NAV3: variants seen among roughly 807,000 people sequenced by gnomAD.
The protein encoded by NAV3 is neuron navigator 3.
Under a neutral mutation model 244.7 loss-of-function variants are expected in NAV3, and 87 were observed. The observed-to-expected ratio is 0.36, with a 90% CI of 0.30 to 0.42. NAV3 has a LOEUF of 0.42. Among genes scored for constraint, NAV3 ranks in the 20% least tolerant of loss-of-function variants. The probability of loss-of-function intolerance (pLI) is 1.00; values close to 1 mark genes in which losing one functional copy is unlikely to be tolerated. For synonymous variants in NAV3, 1,126 were observed against 1,042.2 expected, an observed-to-expected ratio of 1.08 and a Z score of -1.55; for missense variants, 2,663 against 2,893.3, an observed-to-expected ratio of 0.92 and a Z score of 1.83.
At chr12:78,083,483 C>G (rs918338510) in intron 12 of NAV3, among the ~76,000 whole-genome samples, 5 of 152,162 alleles carry the variant, frequency 3.3e-5, no homozygotes, top group Non-Finnish European at 7.4e-5. Context: ...CTGAGTTATT[C>G]AAGATTTTAA....
In NAV3 at chr12:77,937,880, C is replaced by T. The variant is rs532447155; in HGVS notation, c.244-2439C>T. ...AGCAAGCATGTTTTTTCATGACTAG[C>T]TTTGTGACAGATGCTTTACAAGTGC... is the stretch of plus-strand genomic sequence containing the variant. On this transcript the variant is annotated intron_variant, in intron 1 of 39. Coordinates refer to ENST00000397909, the MANE Select transcript of NAV3 (RefSeq NM_001024383.2). 2.0e-5 allele frequency among the ~76,000 whole-genome samples: 3 copies of T among 152,308 alleles called. No individual in the cohort carries two copies. In the East Asian group the frequency reaches 5.8e-4, roughly 29 times the overall value.
chr12:78,069,467 A>G (rs190604196), intron 12 of NAV3, among the ~76,000 whole-genome samples: 7 of 152,056 alleles, frequency 4.6e-5, no homozygotes, highest in East Asian at 1.9e-4. Flanking sequence ...TTCTATTTAC[A>G]TAGTTTGGTT....
rs556263157 is a variant in NAV3 at position 77,703,079 on chromosome 12, A to G, written c.72+130813A>G. ...TACATTCATAAAAGTCACTTATTTTATCATGTCGTTTGATAAGTTTTATAA... is the reference window on the plus strand; with the variant it reads ...TACATTCATAAAAGTCACTTATTTTGTCATGTCGTTTGATAAGTTTTATAA... On this transcript the variant is annotated intron_variant, in intron 2 of 8. Transcript: ENST00000550042. Among the ~76,000 whole-genome samples, 6 of 152,130 alleles carry G rather than the reference A, an allele frequency of 3.9e-5. No homozygotes were observed. The South Asian group carries it at 1.0e-3, about 26-fold the overall frequency.
chr12:77,829,294 A>AT (rs1455296227), upstream of NAV3, among the ~76,000 whole-genome samples: 5 of 152,112 alleles, frequency 3.3e-5, no homozygotes, highest in East Asian at 1.9e-4. Context: ...ATACCCAATT[A>AT]TTTTTTTATG....
intron 8 of NAV3, among the ~76,000 whole-genome samples, chr12:78,013,519 G>A (rs149404789): frequency 2.0e-5 from 3 of 152,226 alleles, no homozygotes; most frequent in African/African-American, 7.2e-5. Context: ...TAAAAGATAC[G>A]TAGGCTGGTC....
chr12:78,109,326 C>T (rs138011166), intron 12 of NAV3, among the ~76,000 whole-genome samples: 5 of 151,960 alleles, frequency 3.3e-5, no homozygotes, highest in South Asian at 2.1e-4. Context: ...TCTCCCAACT[C>T]TTTTAAAGCT....
intron 2 of NAV3, among the ~76,000 whole-genome samples, chr12:77,767,961 G>A (rs540487078): frequency 1.3e-5 from 2 of 152,226 alleles, no homozygotes; most frequent in Non-Finnish European, 2.9e-5. Context: ...ACAACTGGAG[G>A]GTGAGCAAGG....
At chr12:78,163,071 A>G (rs1726432) in intron 23 of NAV3, among the ~76,000 whole-genome samples, 6,922 of 150,998 alleles carry the variant, frequency 0.046, 193 homozygotes, top group Non-Finnish European at 0.072. Context: ...GCTAAAACAC[A>G]AAGTAACAAA....
At chr12:78,044,462 A>G (rs141297929) in intron 9 of NAV3, among the ~76,000 whole-genome samples, 3 of 152,078 alleles carry the variant, frequency 2.0e-5, no homozygotes, top group Admixed American at 6.6e-5. Context: ...TTCTAACTCT[A>G]TGAATAAAGT....
intron 2 of NAV3, among the ~76,000 whole-genome samples, chr12:77,699,296 C>T (rs1057294350): frequency 6.6e-5 from 10 of 152,206 alleles, no homozygotes; most frequent in African/African-American, 1.9e-4. Flanking sequence ...TCTCAATGCC[C>T]TGGTTCTCAC....
In NAV3 at chr12:78,175,369, A is replaced by G. The variant is rs2139649505; in HGVS notation, c.5045A>G (p.His1682Arg). 17 of 1,611,886 alleles carry G rather than the reference A, an allele frequency of 1.1e-5. No homozygotes were observed. Among genetic ancestry groups the G allele is most frequent in the African/African-American group, 2.7e-5 (2 of 74,928 alleles). Residue 1682 changes from histidine (H) to arginine (R), a missense_variant, in exon 25 of 40, where the codon CAT (histidine) becomes CGT (arginine). By Grantham distance (29) the His-to-Arg change is conservative. Transcript: ENST00000397909. ...SVSSINSATS[H>R]SSIGSGNDAD... Reference sequence around the variant, plus strand: ...TCTAGTATCAACAGTGCCACAAGCCATTCCAGTATTGGCAGTGGTAATGAT... The same window carrying G: ...TCTAGTATCAACAGTGCCACAAGCCGTTCCAGTATTGGCAGTGGTAATGAT...
intron 2 of NAV3, among the ~76,000 whole-genome samples, chr12:77,576,495 C>T (rs982805386): frequency 5.3e-5 from 8 of 152,078 alleles, no homozygotes; most frequent in Non-Finnish European, 7.4e-5. Flanking sequence ...CACCCACTTA[C>T]GATTGCCAGA....
At chr12:77,869,753 A>ATATTTAT (rs1429989175) in intron 1 of NAV3, among the ~76,000 whole-genome samples, 1 of 152,086 alleles carries the variant, frequency 6.6e-6, no homozygotes, top group African/African-American at 2.4e-5. Flanking sequence ...TTTTAATAAT[A>ATATTTAT]TATTTATTGT....
chr12:77,617,146 G>T (rs1336303551), intron 2 of NAV3, among the ~76,000 whole-genome samples: 1 of 152,084 alleles, frequency 6.6e-6, no homozygotes, highest in Non-Finnish European at 1.5e-5. Flanking sequence ...TTTTGCTAGG[G>T]TATACTGGAC....
intron 18 of NAV3, among the ~76,000 whole-genome samples, chr12:78,135,420 A>G (rs956692271): frequency 1.3e-5 from 2 of 152,322 alleles, no homozygotes; most frequent in Middle Eastern, 3.4e-3. Context: ...CCTAATCCTC[A>G]TTAATGTTTC....
intron 2 of NAV3, among the ~76,000 whole-genome samples, chr12:77,772,698 G>C (rs1488718003): frequency 6.6e-6 from 1 of 152,092 alleles, no homozygotes; most frequent in Non-Finnish European, 1.5e-5. Context: ...TAAACTCATG[G>C]TCACACGAGA....
intron 6 of NAV3, 121 bp downstream of exon 6, chr12:77,994,992 A>T (rs1451934061): frequency 9.5e-6 from 6 of 632,844 alleles, no homozygotes; most frequent in African/African-American, 9.4e-5. Context: ...AGAGCACTAA[A>T]TTTTTCCAGG....
intron 2 of NAV3, among the ~76,000 whole-genome samples, chr12:77,626,939 C>T (rs139459307): frequency 3.0e-4 from 46 of 152,158 alleles, no homozygotes; most frequent in African/African-American, 1.0e-3. Flanking sequence ...ACTACATAAA[C>T]ATACCAAATG....
intron 2 of NAV3, among the ~76,000 whole-genome samples, chr12:77,813,201 G>T (rs1252977018): frequency 6.6e-6 from 1 of 152,144 alleles, no homozygotes; most frequent in East Asian, 1.9e-4. Flanking sequence ...ATACAAGCAA[G>T]GAACCTATGT....
Sources: allele counts gnomAD v4.1 joint callset (sites outside exome capture counted in the v4.1 genomes callset), GRCh38; gene constraint gnomAD v4.1.1; transcripts MANE v1.5; gene names NCBI Gene and HGNC (gene_info 2026-07-23, HGNC 2026-07-21).